The following VCPIP1 variants were observed in gnomAD, a reference collection of about 807,000 sequenced individuals.
The protein encoded by VCPIP1 is valosin containing protein interacting protein 1.
VCPIP1 carries 8 observed loss-of-function variants against 85.0 expected under a neutral mutation model. That is an observed-to-expected ratio of 0.09 (90% CI 0.06 to 0.17). VCPIP1 has a LOEUF of 0.17. Among genes scored for constraint, VCPIP1 ranks in the 10% least tolerant of loss-of-function variants. The pLI, the probability that VCPIP1 is intolerant of heterozygous loss-of-function variation, is 1.00. For missense variants in VCPIP1, 1,070 were observed against 1,486.3 expected (o/e 0.72, Z 4.61); for synonymous variants, 543 against 544.5 (o/e 1.00, Z 0.04).
intron 2 of VCPIP1, among the ~76,000 whole-genome samples, chr8:66,638,590 T>C (rs539329662): frequency 2.1e-4 from 32 of 151,474 alleles, no homozygotes; most frequent in African/African-American, 5.1e-4. Context: ...CCATCCTGGC[T>C]AACACGGTGA....
At position 66,667,181 on chromosome 8, in the gene VCPIP1, C is replaced by G. The variant is rs191872173; in HGVS notation, c.-223G>C. 1.2e-5 allele frequency: 11 copies of G among 904,598 alleles called. No homozygotes were observed. Among genetic ancestry groups the G allele is most frequent in the South Asian group, 2.3e-5 (1 of 43,268 alleles). The allele number at this position is 904,598 out of a possible 1,614,324, so 56.0% of individuals were successfully genotyped here. On this transcript the variant is annotated 5_prime_UTR_variant, in exon 1 of 3. Transcript: ENST00000310421. ...GTTGCCCCGAACGTAACGGCCACCA[C>G]CCCACCCCGCACTCACACTCACTCA... is the stretch of plus-strand genomic sequence containing the variant.
intron 1 of VCPIP1, among the ~76,000 whole-genome samples, chr8:66,654,194 G>A (rs1363114335): frequency 6.6e-6 from 1 of 152,226 alleles, no homozygotes; most frequent in Non-Finnish European, 1.5e-5. Flanking sequence ...TCTACTGAAG[G>A]TCAAATTGGC....
rs1455504129 is a variant in VCPIP1 at position 66,634,782 on chromosome 8, C to G, written c.3388G>C (p.Glu1130Gln). Residue 1130 changes from glutamate to glutamine, a missense_variant, in exon 3 of 3, where the codon GAG becomes CAG. By Grantham distance (29) the Glu-to-Gln change is conservative (BLOSUM62 2). Coordinates refer to ENST00000310421, the MANE Select transcript of VCPIP1 (RefSeq NM_025054.5). Reference sequence around the variant, plus strand: ...TGAGGAAGATCAGATGGTGACTGCTCTGTACTTTGATCCCGAAGGTGCCTG... The same window carrying G: ...TGAGGAAGATCAGATGGTGACTGCTGTGTACTTTGATCCCGAAGGTGCCTG... ...MDRHLRDQSTEQSPSDLPQRK... is the reference protein window; with the variant it reads ...MDRHLRDQSTQQSPSDLPQRK... The G allele has an allele frequency of 3.1e-6, 5 of 1,614,114 alleles. No individual in the cohort carries two copies. The highest frequency in any genetic ancestry group is 3.4e-6 in the Non-Finnish European group (4 of 1,180,054).
rs762935893 is a variant in VCPIP1, at chr8:66,634,979, G to A, written c.3191C>T (p.Ser1064Phe). 6 of 1,613,236 alleles carry A rather than the reference G, an allele frequency of 3.7e-6. No homozygotes were observed. The highest frequency in any genetic ancestry group is 4.5e-5 in the East Asian group (2 of 44,884). Reference protein sequence around the residue: ...HNTGTDFSNSSTKTEPSVFTA... With the variant: ...HNTGTDFSNSFTKTEPSVFTA... Reference sequence around the variant, plus strand: ...GAATACAGAAGGCTCTGTTTTAGTGGAACTATTACTAAAGTCTGTCCCTGT... The same window carrying A: ...GAATACAGAAGGCTCTGTTTTAGTGAAACTATTACTAAAGTCTGTCCCTGT... The change falls in exon 3 of 3, where the codon TCC becomes TTC. Residue 1064 changes from serine (S) to phenylalanine (F), a missense_variant. Transcript: ENST00000310421.
In VCPIP1 at chr8:66,629,842, T is replaced by C. The variant is rs1369421366; in HGVS notation, c.*4659A>G. 6.6e-6 allele frequency: 1 copy of C among 152,006 alleles called. No homozygotes were observed. The highest frequency in any genetic ancestry group is 2.4e-5 in the African/African-American group (1 of 41,386). The allele number at this position is 152,006 out of a possible 1,614,324, so 9.4% of individuals were successfully genotyped here. Reference sequence around the variant, plus strand: ...CAGCATGGGCAGCAGAGTGAGACCGTTTTGGTTTTTTTTTAAATTGCGCAC... The same window carrying C: ...CAGCATGGGCAGCAGAGTGAGACCGCTTTGGTTTTTTTTTAAATTGCGCAC... On this transcript the variant is annotated 3_prime_UTR_variant, in exon 3 of 3. Transcript: ENST00000310421.
At chr8:66,650,960 A>C (rs562534325) in intron 2 of VCPIP1, among the ~76,000 whole-genome samples, 3 of 151,342 alleles carry the variant, frequency 2.0e-5, no homozygotes, top group African/African-American at 7.3e-5. Context: ...CAAGGCGGGC[A>C]GATCACCTGA....
chr8:66,655,875 T>G (rs1811095145), intron 1 of VCPIP1, among the ~76,000 whole-genome samples: 1 of 152,076 alleles, frequency 6.6e-6, no homozygotes, highest in South Asian at 2.1e-4. Context: ...TTCTATCCAA[T>G]GTACTGTGTA....
Position 66,632,854 on chromosome 8 carries a change from T to A in VCPIP1, c.*1647A>T, listed in dbSNP as rs1295661502. On this transcript the variant is annotated 3_prime_UTR_variant, in exon 3 of 3. Transcript: ENST00000310421. ...AGTGTACAATATAAAAGTTTAAAAA[T>A]TTCCTGCTGTTTTGATAGGGAGAAA... 1.3e-5 allele frequency: 2 copies of A among 152,062 alleles called. No individual in the cohort carries two copies. The highest frequency in any genetic ancestry group is 2.1e-4 in the South Asian group (1 of 4,826). The allele number at this position is 152,062 out of a possible 1,614,324, so 9.4% of individuals were successfully genotyped here.
intron 2 of VCPIP1, among the ~76,000 whole-genome samples, chr8:66,638,970 C>CTCTCTCTCTCTCTCTCTCTCTCTATA: frequency 1.7e-5 from 2 of 118,438 alleles, no homozygotes; most frequent in South Asian, 5.5e-4. Flanking sequence ...CTCTCTCTCT[C>CTCTCTCTCTCTCTCTCTCTCTCTATA]TATATATATA....
chr8:66,642,729 A>C (rs1393554689), intron 2 of VCPIP1, among the ~76,000 whole-genome samples: 1 of 152,226 alleles, frequency 6.6e-6, no homozygotes, highest in Non-Finnish European at 1.5e-5. Context: ...TTAACATTTA[A>C]AAAATAATTT....
intron 2 of VCPIP1, among the ~76,000 whole-genome samples, chr8:66,639,165 A>T (rs1810922483): frequency 6.6e-6 from 1 of 150,940 alleles, no homozygotes; most frequent in Admixed American, 6.6e-5. Context: ...TTCTATTTTT[A>T]GTAGAGACAG....
chr8:66,666,973 G>A lies in VCPIP1; in HGVS notation c.-15C>T. 1 of 1,527,106 alleles carries A rather than the reference G, an allele frequency of 6.5e-7. No homozygotes were observed. The highest frequency in any genetic ancestry group is 8.7e-7 in the Non-Finnish European group (1 of 1,145,252). The allele number at this position is 1,527,106 out of a possible 1,614,324, so 94.6% of individuals were successfully genotyped here. On this transcript the variant is annotated 5_prime_UTR_variant, in exon 1 of 3. It adds an upstream start codon to the 5' untranslated region. Coordinates refer to ENST00000310421, the MANE Select transcript of VCPIP1 (RefSeq NM_025054.5). The surrounding 1 kb of genome is among the most constrained non-coding windows in gnomAD (Gnocchi z 6.3). ...GGCTGAGACATAGCTCCTGGCTCTC[G>A]TGTCTCGCTCCGCGTCCCAGGCGAC... is the stretch of plus-strand genomic sequence containing the variant.
chr8:66,664,172 TC>T, intron 1 of VCPIP1, 76 bp downstream of exon 1: 1 of 1,416,112 alleles, frequency 7.1e-7, no homozygotes. Flanking sequence ...AGATTTCTTT[TC>T]CCCCAAAGAT....
intron 1 of VCPIP1, among the ~76,000 whole-genome samples, chr8:66,661,146 CTTCAAT>C (rs1811153019): frequency 6.6e-6 from 1 of 152,116 alleles, no homozygotes; most frequent in South Asian, 2.1e-4. Flanking sequence ...GCACTTAATA[CTTCAAT>C]TTAAAGCAGA....
In VCPIP1 at chr8:66,664,525, G is replaced by C. The variant is rs117365684; in HGVS notation, c.2434C>G (p.Pro812Ala). The change falls in exon 1 of 3, where the codon CCA (proline) becomes GCA (alanine). Residue 812 changes from proline to alanine, a missense_variant. Coordinates refer to ENST00000310421, the MANE Select transcript of VCPIP1 (RefSeq NM_025054.5). Reference protein sequence around the residue: ...ESIAREFNIPPYLQCIRYGFP... With the variant: ...ESIAREFNIPAYLQCIRYGFP... Reference sequence around the variant, plus strand: ...CCGTATCGAATACACTGTAAATATGGAGGAATGTTGAATTCTCTGGCTATA... The same window carrying C: ...CCGTATCGAATACACTGTAAATATGCAGGAATGTTGAATTCTCTGGCTATA... The C allele has an allele frequency of 6.2e-7, 1 of 1,614,196 alleles. No individual in the cohort carries two copies. The highest frequency in any genetic ancestry group is 2.2e-5 in the East Asian group (1 of 44,886).
chr8:66,647,542 G>C (rs1279347925), intron 2 of VCPIP1, among the ~76,000 whole-genome samples: 1 of 151,978 alleles, frequency 6.6e-6, no homozygotes, highest in Non-Finnish European at 1.5e-5. Flanking sequence ...GAGACATATA[G>C]ATCAACAAAA....
At chr8:66,636,900 A>T (rs139863819) in intron 2 of VCPIP1, among the ~76,000 whole-genome samples, 1 of 152,198 alleles carries the variant, frequency 6.6e-6, no homozygotes, top group Non-Finnish European at 1.5e-5. Flanking sequence ...TGATATATAC[A>T]GTAAAATGTG....
chr8:66,636,515 T>C (rs1810888532), intron 2 of VCPIP1, among the ~76,000 whole-genome samples: 1 of 151,544 alleles, frequency 6.6e-6, no homozygotes, highest in Admixed American at 6.6e-5. Context: ...GAGGCCAAGG[T>C]GGGCAGATCA....
chr8:66,664,130 G>A (rs1811183149), intron 1 of VCPIP1, 119 bp downstream of exon 1: 1 of 1,264,046 alleles, frequency 7.9e-7, no homozygotes, highest in African/African-American at 1.5e-5. Context: ...ATTCTCTCCT[G>A]AAATATATAA....
Sources: gnomAD v4.1 joint callset for allele counts (sites outside exome capture counted in the v4.1 genomes callset) on GRCh38, gnomAD v4.1.1 for gene constraint, Gnocchi (gnomAD v3.1) non-coding constraint, MANE v1.5 for transcripts, NCBI Gene and HGNC (gene_info 2026-07-23, HGNC 2026-07-21) for gene names.